The following ELOVL7 variants were observed in gnomAD, a reference collection of about 807,000 sequenced individuals.
ELOVL7 encodes very long chain fatty acid elongase 7.
A neutral mutation model predicts 35.7 loss-of-function variants in ELOVL7; 27 were observed. The observed-to-expected ratio is 0.76, with a 90% CI of 0.56 to 1.04. ELOVL7 has a LOEUF of 1.04. Among genes scored for constraint, ELOVL7 ranks in the 50% least tolerant of loss-of-function variants. ELOVL7 has a pLI of 0.00. For synonymous variants in ELOVL7, 113 were observed against 114.6 expected (o/e 0.99, Z 0.09); for missense variants, 327 against 340.8 (o/e 0.96, Z 0.32).
At chr5:60,796,902 C>T (rs188284073) in intron 2 of ELOVL7, among the ~76,000 whole-genome samples, 17 of 151,944 alleles carry the variant, frequency 1.1e-4, no homozygotes, top group African/African-American at 3.1e-4. Flanking sequence ...TAATTTACTA[C>T]GGACATTTTC....
At chr5:60,817,679 C>CATACACACCATATATAT (rs1554066904) in intron 1 of ELOVL7, among the ~76,000 whole-genome samples, 1 of 141,428 alleles carries the variant, frequency 7.1e-6, no homozygotes, top group Non-Finnish European at 1.5e-5. Context: ...CACATATATA[C>CATACACACCATATATAT]ACACACACCA....
At chr5:60,780,408 C>T (rs767831365) in intron 3 of ELOVL7, among the ~76,000 whole-genome samples, 28 of 152,102 alleles carry the variant, frequency 1.8e-4, no homozygotes, top group Non-Finnish European at 2.9e-4. Flanking sequence ...GCATGAGTCA[C>T]GGCGCCCGGC....
chr5:60,793,311 T>A (rs1033825433), intron 2 of ELOVL7, among the ~76,000 whole-genome samples: 5 of 151,984 alleles, frequency 3.3e-5, no homozygotes, highest in African/African-American at 1.2e-4. Context: ...ACTGCTACAG[T>A]TTTTTTTGCC....
chr5:60,777,033 T>C (rs1307881447), intron 3 of ELOVL7, among the ~76,000 whole-genome samples: 1 of 146,836 alleles, frequency 6.8e-6, no homozygotes, highest in Non-Finnish European at 1.5e-5. Context: ...ATATGTGGGA[T>C]GTAAGAATCA....
intron 2 of ELOVL7, among the ~76,000 whole-genome samples, chr5:60,795,512 A>G (rs1288809069): frequency 6.6e-6 from 1 of 152,114 alleles, no homozygotes; most frequent in Admixed American, 6.5e-5. Context: ...CTCTTTGGGT[A>G]CCCTCCCATT....
chr5:60,766,771 T>C, intron 5 of ELOVL7, 141 bp from the exon 6 acceptor site: 2 of 637,584 alleles, frequency 3.1e-6, no homozygotes, highest in Non-Finnish European at 5.3e-6. Flanking sequence ...ATTAAGTACC[T>C]TCACACTGTT....
chr5:60,775,652 C>G (rs1299153004), intron 3 of ELOVL7, among the ~76,000 whole-genome samples: 1 of 152,054 alleles, frequency 6.6e-6, no homozygotes, highest in African/African-American at 2.4e-5. Flanking sequence ...TGGAACTGAA[C>G]AGAAAACCCA....
intron 1 of ELOVL7, among the ~76,000 whole-genome samples, chr5:60,843,958 G>T (rs1290573572): frequency 6.6e-6 from 1 of 152,058 alleles, no homozygotes; most frequent in Non-Finnish European, 1.5e-5. Context: ...CTTCCCAAGC[G>T]CCTCCCGAGC....
chr5:60,792,723 G>A (rs187532115), intron 2 of ELOVL7, among the ~76,000 whole-genome samples: 4 of 152,266 alleles, frequency 2.6e-5, no homozygotes, highest in Admixed American at 2.0e-4. Context: ...TGTGGTATAG[G>A]TGTATAGGTG....
chr5:60,828,369 C>T (rs1331692387), intron 1 of ELOVL7, among the ~76,000 whole-genome samples: 1 of 152,098 alleles, frequency 6.6e-6, no homozygotes, highest in Admixed American at 6.6e-5. Context: ...TTTAAGAGCA[C>T]AAAAATTATT....
In ELOVL7 at chr5:60,827,364, T is replaced by C. The variant is rs137921289; in HGVS notation, c.-86+16796A>G. The stretch of plus-strand genomic sequence containing the variant: ...TGTAGGTTCCTCCAACTATGGCCCT[T>C]TCAAACAACAGCTGAACATCAACAA... On this transcript the variant is annotated intron_variant, in intron 1 of 8. Transcript: ENST00000508821. Among the ~76,000 whole-genome samples the C allele has an allele frequency of 2.3e-4, 35 of 152,312 alleles. 1 individual carries two copies. Among genetic ancestry groups the C allele is most frequent in the African/African-American group, 8.2e-4 (34 of 41,574 alleles).
chr5:60,755,812 T>C (rs539081917), intron 8 of ELOVL7, among the ~76,000 whole-genome samples: 16 of 152,330 alleles, frequency 1.1e-4, no homozygotes, highest in African/African-American at 3.6e-4. Flanking sequence ...ATTCAGATTT[T>C]CTGGTTATCA....
chr5:60,817,805 CAT>C (rs1157155982), intron 1 of ELOVL7, among the ~76,000 whole-genome samples: 16 of 138,130 alleles, frequency 1.2e-4, no homozygotes, highest in African/African-American at 4.1e-4. Flanking sequence ...ATATACACAC[CAT>C]ATATATGTGT....
intron 3 of ELOVL7, among the ~76,000 whole-genome samples, chr5:60,774,766 T>A (rs1347574775): frequency 2.1e-5 from 3 of 145,756 alleles, no homozygotes; most frequent in Admixed American, 2.1e-4. Flanking sequence ...AAAACTCTCT[T>A]TTTTTTTTTT....
rs371208705 is a variant in ELOVL7, at chr5:60,767,812, G to A, written c.336+11C>T. On this transcript the variant is annotated intron_variant, in intron 5 of 8. Coordinates refer to ENST00000508821, the MANE Select transcript of ELOVL7 (RefSeq NM_024930.3). ...ATTTTGAATTTCAAGTTTTTCCAAA[G>A]AGAAACTTACCCTCAAAGCTGTGGG... The A allele has an allele frequency of 2.9e-5, 46 of 1,608,884 alleles. No individual in the cohort carries two copies. The highest frequency in any genetic ancestry group is 3.9e-5 in the Non-Finnish European group (46 of 1,175,552).
intron 1 of ELOVL7, among the ~76,000 whole-genome samples, chr5:60,815,490 G>C (rs1266736386): frequency 6.8e-6 from 1 of 146,576 alleles, no homozygotes; most frequent in Non-Finnish European, 1.5e-5. Context: ...TCATTAAAAA[G>C]TAGGAAGTAA....
At chr5:60,794,508 G>C (rs1014739894) in intron 2 of ELOVL7, among the ~76,000 whole-genome samples, 2 of 151,960 alleles carry the variant, frequency 1.3e-5, no homozygotes, top group Non-Finnish European at 2.9e-5. Flanking sequence ...CCTCAGATGT[G>C]CTTGCAGTGG....
intron 3 of ELOVL7, among the ~76,000 whole-genome samples, chr5:60,784,981 T>G (rs1048424338): frequency 6.6e-6 from 1 of 152,196 alleles, no homozygotes; most frequent in East Asian, 1.9e-4. Flanking sequence ...GCAGAGCACT[T>G]TCATGTATGT....
intron 1 of ELOVL7, among the ~76,000 whole-genome samples, chr5:60,841,834 G>A (rs1273865056): frequency 6.6e-6 from 1 of 152,132 alleles, no homozygotes; most frequent in Non-Finnish European, 1.5e-5. Flanking sequence ...ACCTCTAAAT[G>A]TAATGTTTCA....
Sources: allele counts gnomAD v4.1 joint callset (sites outside exome capture counted in the v4.1 genomes callset), GRCh38; gene constraint gnomAD v4.1.1; transcripts MANE v1.5; gene names NCBI Gene and HGNC (gene_info 2026-07-23, HGNC 2026-07-21).